Variants in ME3 observed in about 807,000 individuals in gnomAD.
The protein encoded by ME3 is malic enzyme 3.
In ME3, 48 loss-of-function variants were observed where a neutral mutation model predicts 68.9. The observed-to-expected ratio is 0.70, with a 90% CI of 0.55 to 0.89. The LOEUF is 0.89. ME3 is among the 40% of genes least tolerant of loss of function. The pLI is 0.00. For missense variants in ME3, 675 were observed against 797.4 expected, an observed-to-expected ratio of 0.85 and a Z score of 1.85; for synonymous variants, 320 against 318.8, an observed-to-expected ratio of 1.00 and a Z score of -0.04.
chr11:86,631,110 G>A (rs1234447489), intron 2 of ME3, among the ~76,000 whole-genome samples: 1 of 152,210 alleles, frequency 6.6e-6, no homozygotes, highest in Non-Finnish European at 1.5e-5. Context: ...ATTAGGGGAA[G>A]GATGCTATGT....
chr11:86,588,033 C>G (rs896632432), intron 2 of ME3, among the ~76,000 whole-genome samples: 1 of 152,164 alleles, frequency 6.6e-6, no homozygotes, highest in African/African-American at 2.4e-5. Context: ...CACAAGGTCA[C>G]CAGAAGATCA....
In ME3 at chr11:86,573,538, A is replaced by C. The variant is rs552304516; in HGVS notation, c.184-13715T>G. On this transcript the variant is annotated intron_variant, in intron 2 of 14. Coordinates refer to ENST00000543262, the Ensembl canonical transcript of ME3. ...GCTTAAGGAGTTGTTGGTCTGACAG[A>C]CGGGAGTTTTCTAAATATAGAGTCA... Among the ~76,000 whole-genome samples the C allele has an allele frequency of 4.6e-5, 7 of 150,544 alleles. No homozygotes were observed. The South Asian group carries it at 1.5e-3, about 31-fold the overall frequency.
At chr11:86,588,964 C>T (rs1958897056) in intron 2 of ME3, among the ~76,000 whole-genome samples, 1 of 152,154 alleles carries the variant, frequency 6.6e-6, no homozygotes, top group African/African-American at 2.4e-5. Flanking sequence ...CCTGCCCTCC[C>T]TCACCTCCCA....
At chr11:86,579,446 T>A (rs1958308124) in intron 2 of ME3, among the ~76,000 whole-genome samples, 1 of 152,174 alleles carries the variant, frequency 6.6e-6, no homozygotes, top group South Asian at 2.1e-4. Context: ...TCTCTCTCTG[T>A]TCTCAGTGTC....
intron 4 of ME3, among the ~76,000 whole-genome samples, chr11:86,535,696 A>C (rs1027487684): frequency 6.6e-6 from 1 of 152,204 alleles, no homozygotes; most frequent in Non-Finnish European, 1.5e-5. Flanking sequence ...TCCTTAAAGG[A>C]ATTTTTACAC....
chr11:86,600,793 G>C (rs966951938), intron 2 of ME3, among the ~76,000 whole-genome samples: 2 of 151,840 alleles, frequency 1.3e-5, no homozygotes, highest in Non-Finnish European at 2.9e-5. Flanking sequence ...TCAGGATTAA[G>C]AAACTCACTC....
At chr11:86,570,570 C>A (rs1055920091) in intron 2 of ME3, among the ~76,000 whole-genome samples, 1 of 152,136 alleles carries the variant, frequency 6.6e-6, no homozygotes, top group South Asian at 2.1e-4. Context: ...CAGACACAGA[C>A]CTGAGAATGG....
chr11:86,462,534 C>A, intron 8 of ME3: 1 of 1,209,860 alleles, frequency 8.3e-7, no homozygotes, highest in Middle Eastern at 2.5e-4. Flanking sequence ...AGAGAGGCTG[C>A]AGGGGCAGGT....
chr11:86,635,033 G>A (rs761627140), intron 2 of ME3, among the ~76,000 whole-genome samples: 2 of 152,200 alleles, frequency 1.3e-5, no homozygotes, highest in South Asian at 2.1e-4. Flanking sequence ...GGCTAGACAC[G>A]CTGGTTCACA....
At chr11:86,519,936 T>G (rs1954151673) in intron 4 of ME3, among the ~76,000 whole-genome samples, 1 of 152,228 alleles carries the variant, frequency 6.6e-6, no homozygotes, top group African/African-American at 2.4e-5. Flanking sequence ...AAGTGCGGGA[T>G]GGGGTGGCCA....
At chr11:86,435,781 T>C in the ME3 span, 2 of 152,282 alleles carry the variant, frequency 1.3e-5, no homozygotes, top group Admixed American at 1.3e-4. Flanking sequence ...CCTCAGCCAG[T>C]CTCATAGGGA....
chr11:86,526,072 T>C (rs1018726613), intron 4 of ME3, among the ~76,000 whole-genome samples: 2 of 152,144 alleles, frequency 1.3e-5, no homozygotes, highest in African/African-American at 2.4e-5. Context: ...GGGCGAGGCA[T>C]TGCCTCACCC....
chr11:86,671,855 G>A (rs766689275), exon 2 of ME3: 12 of 1,581,726 alleles, frequency 7.6e-6, no homozygotes, highest in Non-Finnish European at 1.0e-5. Flanking sequence ...AGCCTTGGGC[G>A]GGCGCGGTGG....
chr11:86,457,604 G>A (rs1225305794), intron 8 of ME3: 15 of 1,204,222 alleles, frequency 1.2e-5, no homozygotes, highest in Non-Finnish European at 1.6e-5. Context: ...TTTTTGGGGT[G>A]CTCTTGGGCT....
intron 2 of ME3, among the ~76,000 whole-genome samples, chr11:86,640,340 T>A (rs1006864793): frequency 6.6e-6 from 1 of 152,222 alleles, no homozygotes; most frequent in African/African-American, 2.4e-5. Context: ...TTTCCAAGGC[T>A]AGGCAGCCTC....
In ME3 at chr11:86,536,816, G is replaced by T. The variant is rs1347375354; in HGVS notation, c.467+19737C>A. On this transcript the variant is annotated intron_variant, in intron 4 of 14. Coordinates refer to ENST00000543262, the Ensembl canonical transcript of ME3. ...TACCCAAAGGATTATAAATCATGCT[G>T]CTATAAAGACACATGCACACGTATG... 3.3e-5 allele frequency among the ~76,000 whole-genome samples: 5 copies of T among 152,142 alleles called. No individual in the cohort carries two copies. In the South Asian group the frequency reaches 6.2e-4, roughly 19 times the overall value.
chr11:86,467,926 C>T (rs1594075374), intron 7 of ME3, among the ~76,000 whole-genome samples: 1 of 152,184 alleles, frequency 6.6e-6, no homozygotes, highest in Admixed American at 6.5e-5. Context: ...CATAAGAGGC[C>T]ATGTGAATCA....
chr11:86,532,655 T>A (rs1249677730), intron 4 of ME3, among the ~76,000 whole-genome samples: 1 of 152,166 alleles, frequency 6.6e-6, no homozygotes, highest in African/African-American at 2.4e-5. Context: ...AAGGGAAATT[T>A]AAAAATATCT....
intron 4 of ME3, among the ~76,000 whole-genome samples, chr11:86,543,065 G>A (rs1268345954): frequency 6.6e-6 from 1 of 152,168 alleles, no homozygotes; most frequent in African/African-American, 2.4e-5. Flanking sequence ...AGCTTCATAA[G>A]TGAAGGAGAA....
Sources: gnomAD v4.1 joint callset for allele counts (sites outside exome capture counted in the v4.1 genomes callset) on GRCh38, gnomAD v4.1.1 for gene constraint, MANE v1.5 for transcripts, NCBI Gene and HGNC (gene_info 2026-07-23, HGNC 2026-07-21) for gene names.